Variants in DCDC2 observed in about 807,000 individuals in gnomAD.
DCDC2 encodes doublecortin domain containing 2.
DCDC2 carries 40 observed loss-of-function variants against 50.2 expected under a neutral mutation model. That is an observed-to-expected ratio of 0.80 (90% CI 0.62 to 1.04). The LOEUF is 1.04. Ranked by LOEUF, DCDC2 falls within the 50% of genes least tolerant of loss-of-function variation. DCDC2 has a pLI of 0.00. For missense variants in DCDC2, 570 were observed against 581.9 expected (o/e 0.98, Z 0.21); for synonymous variants, 234 against 210.6 (o/e 1.11, Z -0.96).
At chr6:24,192,781 G>T (rs1167651255) in intron 8 of DCDC2, among the ~76,000 whole-genome samples, 1 of 152,002 alleles carries the variant, frequency 6.6e-6, no homozygotes, top group African/African-American at 2.4e-5. Flanking sequence ...ATCACTTGGG[G>T]AGGTCCTATA....
chr6:24,232,609 A>G (rs1384614014), intron 7 of DCDC2, among the ~76,000 whole-genome samples: 2 of 152,158 alleles, frequency 1.3e-5, no homozygotes, highest in Non-Finnish European at 2.9e-5. Flanking sequence ...CTAGACCCAT[A>G]TTTTTCACTT....
chr6:24,205,017 C>T lies in DCDC2; in HGVS notation c.1008G>A (p.Glu336=). 1 of 1,613,830 alleles carries T rather than the reference C, an allele frequency of 6.2e-7. No homozygotes were observed. The highest frequency in any genetic ancestry group is 8.5e-7 in the Non-Finnish European group (1 of 1,179,832). Residue 336 remains glutamate (E), a synonymous_variant, in exon 8 of 10, where the codon GAG becomes GAA. Transcript: ENST00000378454. ...TGGAGATTACCTGATCGACTGGAAC[C>T]TCAACCTGAGTATCTTCATCTTCTT... is the stretch of plus-strand genomic sequence containing the variant. ...EVQEDEDTQV[E]VPVDQRPAEI...
the DCDC2 span, among the ~76,000 whole-genome samples, chr6:24,380,645 C>T: frequency 3.9e-5 from 6 of 152,106 alleles, no homozygotes; most frequent in Admixed American, 3.3e-4. Context: ...CTTATACATG[C>T]TAGTTTCTGG....
chr6:24,354,170 T>C (rs537237852), intron 1 of DCDC2, among the ~76,000 whole-genome samples: 16 of 152,282 alleles, frequency 1.1e-4, no homozygotes, highest in Admixed American at 4.6e-4. Context: ...TGGAGACCCC[T>C]ATTATTCCAT....
At position 24,299,552 on chromosome 6, in the gene DCDC2, A is replaced by G. The variant is rs536931154; in HGVS notation, c.557+2163T>C. 4.6e-4 allele frequency among the ~76,000 whole-genome samples: 70 copies of G among 152,370 alleles called. No individual in the cohort carries two copies. In the South Asian group the frequency reaches 0.014, roughly 30 times the overall value. On this transcript the variant is annotated intron_variant, in intron 4 of 9. Transcript: ENST00000378454. ...TGGGAACACTCATTCTATTTTATAA[A>G]ATGAGATGTTGCCCAACTAAAAATT... is the stretch of plus-strand genomic sequence containing the variant.
intron 4 of DCDC2, among the ~76,000 whole-genome samples, chr6:24,295,483 A>C (rs1763841737): frequency 6.6e-6 from 1 of 152,168 alleles, no homozygotes; most frequent in African/African-American, 2.4e-5. Flanking sequence ...TCATCAGGCA[A>C]GACAAAGAAT....
chr6:24,370,222 T>C, the DCDC2 span, among the ~76,000 whole-genome samples: 1 of 152,254 alleles, frequency 6.6e-6, no homozygotes, highest in African/African-American at 2.4e-5. Flanking sequence ...CTAGGATGGC[T>C]ATAATAGTTT....
At chr6:24,185,710 CACACACACACACACACAT>C (rs1157922504) in intron 8 of DCDC2, among the ~76,000 whole-genome samples, 2 of 112,542 alleles carry the variant, frequency 1.8e-5, no homozygotes, top group Admixed American at 8.6e-5. Flanking sequence ...CACACACACA[CACACACACACACACACAT>C]ATACACACAG....
chr6:24,372,204 G>A, the DCDC2 span, among the ~76,000 whole-genome samples: 11 of 152,204 alleles, frequency 7.2e-5, no homozygotes, highest in East Asian at 9.7e-4. Context: ...GGTGGATCAC[G>A]AGGTCAGGAG....
chr6:24,359,367 T>C (rs1237011588), upstream of DCDC2, among the ~76,000 whole-genome samples: 343 of 77,244 alleles, frequency 4.4e-3, 26 homozygotes, highest in African/African-American at 0.016. Flanking sequence ...GTATATTATA[T>C]ATTATATATA....
chr6:24,204,594 G>A (rs1000900227), intron 8 of DCDC2, among the ~76,000 whole-genome samples: 1 of 152,126 alleles, frequency 6.6e-6, no homozygotes, highest in Non-Finnish European at 1.5e-5. Context: ...AAACCTGCAC[G>A]TTCTGCACAT....
chr6:24,272,152 A>G (rs1763252765), intron 7 of DCDC2, among the ~76,000 whole-genome samples: 1 of 151,958 alleles, frequency 6.6e-6, no homozygotes, highest in Non-Finnish European at 1.5e-5. Flanking sequence ...ACTAGTATTC[A>G]GCCCACTTTT....
chr6:24,341,176 G>A (rs2127248173), intron 2 of DCDC2, among the ~76,000 whole-genome samples: 1 of 152,300 alleles, frequency 6.6e-6, no homozygotes, highest in African/African-American at 2.4e-5. Flanking sequence ...AGCAGAGATT[G>A]CCATTTGAGA....
the DCDC2 span, among the ~76,000 whole-genome samples, chr6:24,375,476 G>C: frequency 2.4e-4 from 37 of 152,230 alleles, no homozygotes; most frequent in East Asian, 5.4e-3. Context: ...TTCAGTGGTA[G>C]ACTAGGAGAT....
intron 8 of DCDC2, among the ~76,000 whole-genome samples, chr6:24,191,118 T>C (rs1761304311): frequency 6.6e-6 from 1 of 152,210 alleles, no homozygotes; most frequent in Non-Finnish European, 1.5e-5. Flanking sequence ...TTCTAAATAT[T>C]TTATAATTGT....
chr6:24,240,551 A>G (rs1462885653), intron 7 of DCDC2, among the ~76,000 whole-genome samples: 1 of 152,228 alleles, frequency 6.6e-6, no homozygotes, highest in East Asian at 1.9e-4. Flanking sequence ...AGGTGGTAGA[A>G]AATCATTAAT....
At chr6:24,353,385 C>T in intron 2 of DCDC2, 184 bp downstream of exon 2, 1 of 648,846 alleles carries the variant, frequency 1.5e-6, no homozygotes, top group South Asian at 1.6e-5. Context: ...AACATCTACT[C>T]AGTCTTTTCA....
chr6:24,195,673 T>C (rs1045707383), intron 8 of DCDC2, among the ~76,000 whole-genome samples: 1 of 152,164 alleles, frequency 6.6e-6, no homozygotes, highest in Non-Finnish European at 1.5e-5. Context: ...TAGATGCCCA[T>C]AGCACTCCCC....
intron 2 of DCDC2, among the ~76,000 whole-genome samples, chr6:24,332,009 G>C (rs1319244312): frequency 6.6e-6 from 1 of 152,138 alleles, no homozygotes. Context: ...TAAGAGATTT[G>C]GAAAGGAAGA....
Sources: allele counts gnomAD v4.1 joint callset (sites outside exome capture counted in the v4.1 genomes callset), GRCh38; gene constraint gnomAD v4.1.1; transcripts MANE v1.5; gene names NCBI Gene and HGNC (gene_info 2026-07-23, HGNC 2026-07-21).